The following ZNF385D variants were observed in gnomAD, a reference collection of about 807,000 sequenced individuals.
ZNF385D encodes zinc finger protein 659.
A neutral mutation model predicts 35.8 loss-of-function variants in ZNF385D; 15 were observed. The observed-to-expected ratio is 0.42, with a 90% confidence interval of 0.28 to 0.64. The LOEUF is 0.64. Among genes scored for constraint, ZNF385D ranks in the 30% least tolerant of loss-of-function variants. ZNF385D has a pLI of 0.23. For synonymous variants in ZNF385D, 212 were observed against 186.8 expected (o/e 1.13, Z -1.10); for missense variants, 474 against 494.6 (o/e 0.96, Z 0.39).
At chr3:22,023,170 G>A (rs1489135511) in intron 3 of ZNF385D, among the ~76,000 whole-genome samples, 1 of 152,142 alleles carries the variant, frequency 6.6e-6, no homozygotes, top group Non-Finnish European at 1.5e-5. Context: ...CTGAATTGAA[G>A]TAATGATGGT....
At chr3:22,242,088 G>A (rs935373517) in intron 2 of ZNF385D, among the ~76,000 whole-genome samples, 4 of 150,464 alleles carry the variant, frequency 2.7e-5, no homozygotes, top group Admixed American at 6.6e-5. Flanking sequence ...GGTGGGGGAA[G>A]GGGGGAGGGA....
intron 3 of ZNF385D, among the ~76,000 whole-genome samples, chr3:22,124,700 T>G (rs1054768917): frequency 2.0e-5 from 3 of 152,194 alleles, no homozygotes; most frequent in Non-Finnish European, 2.9e-5. Context: ...TATATTTGTT[T>G]GCTATTTGTA....
At chr3:22,029,015 A>G (rs1697743765) in intron 3 of ZNF385D, among the ~76,000 whole-genome samples, 1 of 152,126 alleles carries the variant, frequency 6.6e-6, no homozygotes, top group Non-Finnish European at 1.5e-5. Context: ...ACTCACCATC[A>G]TCCCTAGTGA....
intron 3 of ZNF385D, among the ~76,000 whole-genome samples, chr3:21,768,650 T>C (rs916566279): frequency 6.6e-6 from 1 of 151,944 alleles, no homozygotes; most frequent in African/African-American, 2.4e-5. Flanking sequence ...AAAAAAAGAC[T>C]TTGTCTTCCA....
intron 1 of ZNF385D, among the ~76,000 whole-genome samples, chr3:21,671,176 C>A (rs1214462493): frequency 6.6e-6 from 1 of 152,076 alleles, no homozygotes; most frequent in African/African-American, 2.4e-5. Flanking sequence ...GCATAAATTC[C>A]TGTTCCCTTC....
At chr3:21,875,043 G>A (rs893078395) in intron 3 of ZNF385D, among the ~76,000 whole-genome samples, 1 of 151,362 alleles carries the variant, frequency 6.6e-6, no homozygotes, top group East Asian at 1.9e-4. Flanking sequence ...TTCCTTTTAG[G>A]GTTATTCATT....
intron 4 of ZNF385D, among the ~76,000 whole-genome samples, chr3:21,456,301 G>T (rs1483753646): frequency 2.6e-5 from 4 of 152,136 alleles, no homozygotes; most frequent in Non-Finnish European, 2.9e-5. Context: ...GTTTATTGTG[G>T]CACTATTCAC....
At chr3:21,635,714 C>T (rs1215882583) in intron 2 of ZNF385D, among the ~76,000 whole-genome samples, 1 of 152,064 alleles carries the variant, frequency 6.6e-6, no homozygotes, top group Non-Finnish European at 1.5e-5. Flanking sequence ...CCCTCCCTGT[C>T]ATCCTTTGTC....
At chr3:22,251,798 G>A (rs1700077333) in intron 2 of ZNF385D, among the ~76,000 whole-genome samples, 1 of 151,994 alleles carries the variant, frequency 6.6e-6, no homozygotes, top group East Asian at 1.9e-4. Flanking sequence ...TTGAGCTTGG[G>A]ATCTTAGAGA....
intron 3 of ZNF385D, among the ~76,000 whole-genome samples, chr3:21,928,257 AGAAGGAAG>A (rs139093887): frequency 3.6e-4 from 50 of 140,498 alleles, no homozygotes; most frequent in Admixed American, 1.9e-3. Context: ...AAAGGAAGGA[AGAAGGAAG>A]GAAGGAAGGA....
chr3:21,412,696 A>G lies in ZNF385D; in HGVS notation c.*8518T>C, dbSNP rs956068832. The G allele has an allele frequency of 6.8e-6, 1 of 146,116 alleles. No individual in the cohort carries two copies. Among genetic ancestry groups the G allele is most frequent in the Non-Finnish European group, 1.5e-5 (1 of 66,392 alleles). 9.1% of individuals were successfully genotyped at this position (146,116 alleles called of 1,614,324 possible). A position where few individuals can be genotyped will look rare whatever the true frequency, so the allele number is the denominator to read the frequency against. The stretch of plus-strand genomic sequence containing the variant: ...CTGCTGAAGGAACCAGAGAGCTTTC[A>G]TCCATAAAAATATCACTGGTGTCTT... On this transcript the variant is annotated 3_prime_UTR_variant, in exon 8 of 8. Coordinates refer to ENST00000281523, the MANE Select transcript of ZNF385D (RefSeq NM_024697.3).
intron 3 of ZNF385D, chr3:21,957,256 G>C (rs1262139029): frequency 6.6e-6 from 1 of 152,360 alleles, no homozygotes; most frequent in Non-Finnish European, 1.5e-5. Flanking sequence ...TTTACCAGCA[G>C]TGTGAAAACA....
intron 3 of ZNF385D, among the ~76,000 whole-genome samples, chr3:22,142,010 C>T (rs1324430475): frequency 6.6e-6 from 1 of 152,160 alleles, no homozygotes; most frequent in Non-Finnish European, 1.5e-5. Flanking sequence ...GCCAATTTTA[C>T]AGACAGTTAG....
chr3:22,125,348 G>C (rs1343083171), intron 3 of ZNF385D, among the ~76,000 whole-genome samples: 1 of 151,996 alleles, frequency 6.6e-6, no homozygotes, highest in Non-Finnish European at 1.5e-5. Flanking sequence ...TCAGGTATGT[G>C]ATTCCTTCAG....
At chr3:22,165,243 G>C (rs553161882) in intron 3 of ZNF385D, among the ~76,000 whole-genome samples, 2 of 152,312 alleles carry the variant, frequency 1.3e-5, no homozygotes, top group East Asian at 3.9e-4. Context: ...GCGGAAGGCT[G>C]TGTGTGAAGG....
intron 3 of ZNF385D, among the ~76,000 whole-genome samples, chr3:22,111,182 T>G (rs1702506959): frequency 7.6e-6 from 1 of 132,214 alleles, no homozygotes; most frequent in African/African-American, 3.0e-5. Flanking sequence ...TTTTTGTTTT[T>G]TTTGTACTCT....
At chr3:21,751,477 T>C (rs560433239), upstream of ZNF385D, 20 of 983,834 alleles carry the variant, frequency 2.0e-5, no homozygotes, top group South Asian at 4.7e-4. Context: ...CATTAACGTG[T>C]AATTAGACAA....
chr3:21,541,663 CTG>C (rs2062179983), intron 3 of ZNF385D, among the ~76,000 whole-genome samples: 1 of 152,060 alleles, frequency 6.6e-6, no homozygotes, highest in Non-Finnish European at 1.5e-5. Flanking sequence ...TAGGATGAAA[CTG>C]ATTATTTATG....
chr3:22,154,412 C>T (rs1240520739), intron 3 of ZNF385D, among the ~76,000 whole-genome samples: 1 of 152,144 alleles, frequency 6.6e-6, no homozygotes, highest in African/African-American at 2.4e-5. Context: ...ACCAACATTT[C>T]TCAACTCAGC....
Sources: gnomAD v4.1 joint callset for allele counts (sites outside exome capture counted in the v4.1 genomes callset) on GRCh38, gnomAD v4.1.1 for gene constraint, MANE v1.5 for transcripts, NCBI Gene and HGNC (gene_info 2026-07-23, HGNC 2026-07-21) for gene names.